Variants in CD82 observed in about 807,000 individuals in gnomAD.
CD82 encodes the protein CD82 antigen.
A neutral mutation model predicts 37.4 loss-of-function variants in CD82; 36 were observed. That is an observed-to-expected ratio of 0.96 (90% CI 0.74 to 1.27). The LOEUF is 1.27. Ranked by LOEUF, CD82 falls within the 50% of genes most tolerant of loss-of-function variation. The pLI, the probability that CD82 is intolerant of heterozygous loss-of-function variation, is 0.00. For synonymous variants in CD82, 158 were observed against 137.4 expected (o/e 1.15, Z -1.05); for missense variants, 340 against 347.0 (o/e 0.98, Z 0.16).
At position 44,609,535 on chromosome 11, in the gene CD82, C is replaced by A. The variant is rs147166030; in HGVS notation, c.336+4106C>A. ...TGGCAGTGGCTGGCCAGACAACTCC[C>A]CAGAGATGTTGGTCAGGGGAACTGT... On this transcript the variant is annotated intron_variant, in intron 6 of 9. Transcript: ENST00000227155. Among the ~76,000 whole-genome samples the A allele has an allele frequency of 4.0e-3, 614 of 152,198 alleles. 3 individuals are homozygous for A. Among genetic ancestry groups the A allele is most frequent in the Non-Finnish European group, 7.1e-3 (483 of 68,002 alleles).
chr11:44,594,666 G>A lies in CD82; in HGVS notation c.4G>A (p.Gly2Ser), dbSNP rs111718702. ...AGGAAGCTCCAGGACTGGCGGGATG[G>A]GCTCAGCCTGTATCAAAGTCACCAA... M[G>S]SACIKVTKYF... is the part of the protein sequence containing the mutation. The change falls in exon 3 of 10, where the codon GGC (glycine) becomes AGC (serine). Residue 2 changes from glycine to serine, a missense_variant. Coordinates refer to ENST00000227155, the MANE Select transcript of CD82 (RefSeq NM_002231.4). 2.0e-5 allele frequency: 33 copies of A among 1,613,576 alleles called. No homozygotes were observed. The South Asian group carries it at 2.9e-4, about 14-fold the overall frequency.
rs1476374576 is a variant in CD82, at chr11:44,597,128, T to C, written c.63+2403T>C. ...TTGGGAGGGGTTTCGTGGTTGGATT[T>C]GTGGTTTGGAAAAATCCCCGTGGCT... On this transcript the variant is annotated intron_variant, in intron 3 of 9. Coordinates refer to ENST00000227155, the MANE Select transcript of CD82 (RefSeq NM_002231.4). This position sits in a 1 kb window ranked among gnomAD's most constrained non-coding sequence, Gnocchi z 4.1. Among the ~76,000 whole-genome samples the C allele has an allele frequency of 6.6e-6, 1 of 152,198 alleles. No individual in the cohort carries two copies. The highest frequency in any genetic ancestry group is 6.5e-5 in the Admixed American group (1 of 15,288).
chr11:44,600,216 T>A lies in CD82; in HGVS notation c.122T>A (p.Phe41Tyr), dbSNP rs1000615015. ...TGGATCCTGGCCGACAAGAGCAGTTTCATCTCTGTCCTGCGTAAGGACCCC... is the reference window on the plus strand; with the variant it reads ...TGGATCCTGGCCGACAAGAGCAGTTACATCTCTGTCCTGCGTAAGGACCCC... The part of the protein sequence containing the change: ...GVWILADKSS[F>Y]ISVLQTSSSS... Residue 41 changes from phenylalanine (F) to tyrosine (Y), a missense_variant, in exon 4 of 10, where the codon TTC becomes TAC. Phe to Tyr is a conservative substitution (Grantham distance 22). Transcript: ENST00000227155. The A allele has an allele frequency of 6.2e-7, 1 of 1,614,112 alleles. No individual in the cohort carries two copies. Among genetic ancestry groups the A allele is most frequent in the Non-Finnish European group, 8.5e-7 (1 of 1,179,974 alleles).
intron 1 of CD82, among the ~76,000 whole-genome samples, chr11:44,575,452 ACT>A (rs113276664): frequency 0.027 from 4,064 of 152,198 alleles, 181 homozygotes; most frequent in African/African-American, 0.093. Context: ...TGGTTCTCAA[ACT>A]CTGACATGCA....
chr11:44,600,547 C>T (rs910561669), intron 4 of CD82, among the ~76,000 whole-genome samples: 2 of 152,184 alleles, frequency 1.3e-5, no homozygotes, highest in East Asian at 1.9e-4. Context: ...TTCTCTGTCC[C>T]GTCACTTGCC....
chr11:44,591,772 T>C (rs1853148422), intron 2 of CD82, among the ~76,000 whole-genome samples: 1 of 152,198 alleles, frequency 6.6e-6, no homozygotes, highest in African/African-American at 2.4e-5. Flanking sequence ...TAGTAGTTGC[T>C]ATTCCCTGGC....
At chr11:44,613,148 G>A (rs192751673) in intron 6 of CD82, among the ~76,000 whole-genome samples, 7 of 152,304 alleles carry the variant, frequency 4.6e-5, no homozygotes, top group African/African-American at 1.2e-4. Flanking sequence ...CTCAGGAACC[G>A]AGGTGGGAAG....
intron 1 of CD82, among the ~76,000 whole-genome samples, chr11:44,569,785 C>T (rs1336781745): frequency 1.3e-5 from 2 of 152,116 alleles, no homozygotes; most frequent in Admixed American, 6.6e-5. Flanking sequence ...TACAGCATGG[C>T]GGTAAAGCAC....
At position 44,583,013 on chromosome 11, in the gene CD82, G is replaced by A. The variant is rs186750191; in HGVS notation, c.-102-4462G>A. Among the ~76,000 whole-genome samples, 355 of 152,314 alleles carry A rather than the reference G, an allele frequency of 2.3e-3. 1 individual carries two copies. Among genetic ancestry groups the A allele is most frequent in the Non-Finnish European group, 3.7e-3 (254 of 68,022 alleles). The stretch of plus-strand genomic sequence containing the variant: ...AACTTGTGCATTCCCCAGAAGGGGT[G>A]GGGGTAGGGGTTCATTTTCTTCTCT... On this transcript the variant is annotated intron_variant, in intron 1 of 9. Transcript: ENST00000227155.
chr11:44,600,205 CAA>C lies in CD82; in HGVS notation c.112_113del (p.Lys38GlufsTer15), dbSNP rs1458166700. On this transcript the variant is annotated frameshift_variant, in exon 4 of 10. Transcript: ENST00000227155. LOFTEE classifies it high-confidence loss of function. Reference protein sequence around the residue: ...LGFGVWILADKSSFISVLQTS... With the variant: ...LGFGVWILADXSSFISVLQTS... ...GCTTCGGGGTGTGGATCCTGGCCGA[CAA>C]GAGCAGTTTCATCTCTGTCCTGCGT... 6 of 1,613,984 alleles carry C rather than the reference CAA, an allele frequency of 3.7e-6. No homozygotes were observed. The highest frequency in any genetic ancestry group is 5.1e-6 in the Non-Finnish European group (6 of 1,180,012).
chr11:44,578,478 C>G (rs779311538), intron 1 of CD82, among the ~76,000 whole-genome samples: 1 of 152,156 alleles, frequency 6.6e-6, no homozygotes, highest in East Asian at 1.9e-4. Context: ...TATACACCCC[C>G]CTTCCAGCTC....
chr11:44,574,805 T>C (rs1200388193), intron 1 of CD82, among the ~76,000 whole-genome samples: 3 of 152,182 alleles, frequency 2.0e-5, no homozygotes, highest in African/African-American at 7.2e-5. Context: ...GGTTTTCCCA[T>C]GTGATTGAGC....
chr11:44,584,314 T>G (rs1853022488), intron 1 of CD82, among the ~76,000 whole-genome samples: 1 of 152,072 alleles, frequency 6.6e-6, no homozygotes, highest in Non-Finnish European at 1.5e-5. Flanking sequence ...GAGACAGAGT[T>G]TTGTTCTTGT....
chr11:44,618,254 AGTC>A lies in CD82; in HGVS notation c.532_534del (p.Val178del). The A allele has an allele frequency of 6.2e-7, 1 of 1,614,104 alleles. No individual in the cohort carries two copies. Among genetic ancestry groups the A allele is most frequent in the Non-Finnish European group, 8.5e-7 (1 of 1,180,014 alleles). ...AGGTCACCTACCCCTGTTCCTGCGAAGTCAAGGGGGAAGAGGACAACAGCCTTT... is the reference window on the plus strand; with the variant it reads ...AGGTCACCTACCCCTGTTCCTGCGAAAAGGGGGAAGAGGACAACAGCCTTT... On this transcript the variant is annotated inframe_deletion, in exon 8 of 10. Coordinates refer to ENST00000227155, the MANE Select transcript of CD82 (RefSeq NM_002231.4).
intron 2 of CD82, among the ~76,000 whole-genome samples, chr11:44,593,769 C>T (rs1853179003): frequency 6.6e-6 from 1 of 152,096 alleles, no homozygotes; most frequent in East Asian, 1.9e-4. Context: ...CCATGAACTC[C>T]CAGAAATTAT....
intron 1 of CD82, among the ~76,000 whole-genome samples, chr11:44,584,332 G>C (rs1332643570): frequency 6.6e-6 from 1 of 152,164 alleles, no homozygotes; most frequent in Non-Finnish European, 1.5e-5. Context: ...TGTTGCCTAG[G>C]CTGGAGTGCA....
intron 6 of CD82, among the ~76,000 whole-genome samples, chr11:44,610,819 T>A (rs1236362110): frequency 6.6e-6 from 1 of 152,144 alleles, no homozygotes; most frequent in Non-Finnish European, 1.5e-5. Flanking sequence ...CTGCTGTTGC[T>A]GTATTGAAAT....
At chr11:44,615,112 C>T (rs957785779) in intron 6 of CD82, among the ~76,000 whole-genome samples, 160 bp from the exon 7 acceptor site, 4 of 152,154 alleles carry the variant, frequency 2.6e-5, no homozygotes, top group Admixed American at 6.5e-5. Context: ...TTGGCACTGC[C>T]TGCATCGGGC....
In CD82 at chr11:44,619,489, G is replaced by A. The variant is rs572260612; in HGVS notation, c.*363G>A. On this transcript the variant is annotated 3_prime_UTR_variant, in exon 10 of 10. Transcript: ENST00000227155. ...AAAATTGGGGAGGAGGGGGCCGGGCGCGGTGGCTCACGCCTGTAATCCCAG... is the reference window on the plus strand; with the variant it reads ...AAAATTGGGGAGGAGGGGGCCGGGCACGGTGGCTCACGCCTGTAATCCCAG... The A allele has an allele frequency of 1.2e-3, 235 of 189,276 alleles. 3 individuals are homozygous for A. In the South Asian group the frequency reaches 0.022, roughly 18 times the overall value. 11.7% of individuals were successfully genotyped at this position (189,276 alleles called of 1,614,324 possible).
Sources: allele counts gnomAD v4.1 joint callset (sites outside exome capture counted in the v4.1 genomes callset), GRCh38; gene constraint gnomAD v4.1.1; non-coding constraint Gnocchi (gnomAD v3.1); transcripts MANE v1.5; gene names NCBI Gene and HGNC (gene_info 2026-07-23, HGNC 2026-07-21).